The following UCHL1 variants were observed in gnomAD, a reference collection of about 807,000 sequenced individuals.
The protein encoded by UCHL1 is ubiquitin C-terminal hydrolase L1.
In UCHL1, 5 loss-of-function variants were observed where a neutral mutation model predicts 33.3. The observed-to-expected ratio is 0.15, with a 90% CI of 0.08 to 0.32. UCHL1 has a LOEUF of 0.32. UCHL1 is among the 10% of genes least tolerant of loss of function. The pLI is 1.00. For synonymous variants in UCHL1, 132 were observed against 108.8 expected, an observed-to-expected ratio of 1.21 and a Z score of -1.33; for missense variants, 236 against 280.0, an observed-to-expected ratio of 0.84 and a Z score of 1.12.
rs758414333 is a variant in UCHL1 at position 41,261,777 on chromosome 4, G to T, written c.388G>T (p.Ala130Ser). ...ETEKMSPEDRAKCFEKNEAIQ... is the reference protein window; with the variant it reads ...ETEKMSPEDRSKCFEKNEAIQ... The stretch of plus-strand genomic sequence containing the variant: ...AGAGAAAATGTCCCCTGAAGACAGA[G>T]CAAAATGCTTTGAAAAGAATGAGGT... Residue 130 changes from alanine (A) to serine (S), a missense_variant, in exon 5 of 9, where the codon GCA (alanine) becomes TCA (serine). By Grantham distance (99) the Ala-to-Ser change is moderately conservative. Coordinates refer to ENST00000284440, the MANE Select transcript of UCHL1 (RefSeq NM_004181.5). The T allele has an allele frequency of 6.2e-7, 1 of 1,613,976 alleles. No homozygotes were observed. The highest frequency in any genetic ancestry group is 8.5e-7 in the Non-Finnish European group (1 of 1,180,022).
chr4:41,260,894 T>C, intron 4 of UCHL1, 97 bp downstream of exon 4: 1 of 1,544,104 alleles, frequency 6.5e-7, no homozygotes, highest in Admixed American at 1.7e-5. Flanking sequence ...GCTGTACCTT[T>C]TGAAACCATT....
intron 5 of UCHL1, 35 bp downstream of exon 5, chr4:41,261,835 C>T: frequency 6.2e-7 from 1 of 1,614,094 alleles, no homozygotes; most frequent in Non-Finnish European, 8.5e-7. Context: ...CTTTAAATAA[C>T]TCTAGAGATT....
intron 6 of UCHL1, 101 bp from the exon 7 acceptor site, chr4:41,263,124 T>C: frequency 1.1e-6 from 1 of 901,082 alleles, no homozygotes; most frequent in South Asian, 1.4e-5. Flanking sequence ...AGCTATAATT[T>C]CTAAAAATCA....
chr4:41,267,245 T>A (rs1781168465), intron 8 of UCHL1, among the ~76,000 whole-genome samples: 1 of 151,810 alleles, frequency 6.6e-6, no homozygotes, highest in South Asian at 2.1e-4. Flanking sequence ...TTTTTTTTGT[T>A]TGTTTGTTTG....
chr4:41,262,549 C>G (rs907602905), intron 6 of UCHL1, among the ~76,000 whole-genome samples: 3 of 151,980 alleles, frequency 2.0e-5, no homozygotes, highest in Non-Finnish European at 1.5e-5. Context: ...AGGACAAGTT[C>G]TAGAAGGCTT....
chr4:41,262,593 C>T (rs771713457), intron 6 of UCHL1, among the ~76,000 whole-genome samples: 5 of 151,510 alleles, frequency 3.3e-5, no homozygotes, highest in Non-Finnish European at 7.4e-5. Context: ...ACCTCTGAGT[C>T]AGCTGCTAAA....
chr4:41,264,070 A>C lies in UCHL1; in HGVS notation c.527-33A>C, dbSNP rs745558930. The C allele has an allele frequency of 6.2e-6, 10 of 1,614,094 alleles. No homozygotes were observed. The East Asian group carries it at 2.0e-4, about 32-fold the overall frequency. ...AGCACGGTAGCCAGAAAACATGCAG[A>C]GAAAATTGACATGCCTGGCTTCTTT... On this transcript the variant is annotated intron_variant, in intron 7 of 8. Coordinates refer to ENST00000284440, the MANE Select transcript of UCHL1 (RefSeq NM_004181.5).
Position 41,261,764 on chromosome 4 carries a change from C to T in UCHL1, c.375C>T (p.Ser125=), listed in dbSNP as rs1353728607. ...KQFLSETEKM[S]PEDRAKCFEK... ...TTCTTTCTGAAACAGAGAAAATGTCCCCTGAAGACAGAGCAAAATGCTTTG... is the reference window on the plus strand; with the variant it reads ...TTCTTTCTGAAACAGAGAAAATGTCTCCTGAAGACAGAGCAAAATGCTTTG... The change falls in exon 5 of 9, where the codon TCC becomes TCT. Residue 125 remains serine (S), a synonymous_variant. Transcript: ENST00000284440. 6.2e-7 allele frequency: 1 copy of T among 1,613,724 alleles called. No individual in the cohort carries two copies. Among genetic ancestry groups the T allele is most frequent in the Non-Finnish European group, 8.5e-7 (1 of 1,180,024 alleles).
rs1057384150 is a variant in UCHL1, at chr4:41,263,303, T to C, written c.526+12T>C. ...CCTCTATGAACTTGGTATGTTTTACTCCATTTTTGGAACCCAGTGTAGTTT... is the reference window on the plus strand; with the variant it reads ...CCTCTATGAACTTGGTATGTTTTACCCCATTTTTGGAACCCAGTGTAGTTT... On this transcript the variant is annotated intron_variant, in intron 7 of 8. Transcript: ENST00000284440. The C allele has an allele frequency of 1.9e-6, 3 of 1,613,238 alleles. No homozygotes were observed. The African/African-American group carries it at 4.0e-5, about 22-fold the overall frequency.
At chr4:41,257,154 C>G in intron 2 of UCHL1, 28 bp downstream of exon 2, 1 of 1,611,828 alleles carries the variant, frequency 6.2e-7, no homozygotes, top group Non-Finnish European at 8.5e-7. Flanking sequence ...CCGTCTCTGG[C>G]CCCCTCCCCC....
chr4:41,261,900 G>A lies in UCHL1; in HGVS notation c.436G>A (p.Val146Met), dbSNP rs764784241. 4.3e-6 allele frequency: 7 copies of A among 1,614,000 alleles called. No individual in the cohort carries two copies. Among genetic ancestry groups the A allele is most frequent in the African/African-American group, 2.7e-5 (2 of 74,896 alleles). The change falls in exon 6 of 9, where the codon GTG (valine) becomes ATG (methionine). Residue 146 changes from valine (V) to methionine (M), a missense_variant. By Grantham distance (21) the Val-to-Met change is conservative. Transcript: ENST00000284440. ...NEAIQAAHDA[V>M]AQEGQCRVDD... Reference sequence around the variant, plus strand: ...GGCCATACAGGCAGCCCATGATGCCGTGGCACAGGAAGGCCAATGTCGGGT... The same window carrying A: ...GGCCATACAGGCAGCCCATGATGCCATGGCACAGGAAGGCCAATGTCGGGT...
intron 4 of UCHL1, among the ~76,000 whole-genome samples, chr4:41,261,279 C>T (rs537397587): frequency 5.0e-4 from 76 of 152,246 alleles, no homozygotes; most frequent in African/African-American, 1.6e-3. Flanking sequence ...ATGATTATAG[C>T]GTCATGTATA....
At position 41,257,706 on chromosome 4, in the gene UCHL1, CGCT is replaced by C. The variant is rs749368841; in HGVS notation, c.154_156del (p.Leu52del). 5.7e-6 allele frequency: 9 copies of C among 1,580,696 alleles called. No individual in the cohort carries two copies. Among genetic ancestry groups the C allele is most frequent in the Admixed American group, 1.8e-5 (1 of 56,464 alleles). ...GGCTCGGTGCCAGCGCCTGCCTGCG[CGCT>C]GCTGCTGCTGTTTCCCCTCACGGCC... On this transcript the variant is annotated inframe_deletion, in exon 3 of 9. Transcript: ENST00000284440.
chr4:41,267,406 G>A (rs775697648), intron 8 of UCHL1, among the ~76,000 whole-genome samples: 4 of 152,062 alleles, frequency 2.6e-5, no homozygotes, highest in Non-Finnish European at 4.4e-5. Context: ...CATCATGCCC[G>A]GCTAATTTTT....
At chr4:41,258,101 C>T (rs926019433) in intron 3 of UCHL1, among the ~76,000 whole-genome samples, 1 of 152,176 alleles carries the variant, frequency 6.6e-6, no homozygotes, top group Non-Finnish European at 1.5e-5. Context: ...AGGGCTATAA[C>T]CTGTCAACTC....
chr4:41,257,447 T>C (rs1364973479), intron 2 of UCHL1, 162 bp from the exon 3 acceptor site: 3 of 1,047,104 alleles, frequency 2.9e-6, no homozygotes, highest in African/African-American at 1.7e-5. Context: ...CTTTGTGCTG[T>C]GTCATTGCGC....
intron 3 of UCHL1, among the ~76,000 whole-genome samples, chr4:41,259,976 C>T (rs984426499): frequency 6.6e-6 from 1 of 152,204 alleles, no homozygotes. Context: ...TCCTCCTCCT[C>T]AAATTGCCAG....
At chr4:41,263,340 T>C (rs1430510272) in intron 7 of UCHL1, 49 bp downstream of exon 7, 11 of 1,524,578 alleles carry the variant, frequency 7.2e-6, no homozygotes, top group Admixed American at 6.7e-5. Flanking sequence ...ATGTGTTCTT[T>C]CAGACTGAAT....
In UCHL1 at chr4:41,268,046, T is replaced by C; in HGVS notation, c.645T>C (p.Ser215=). ...GTGAGCAAGGAGAAGTCCGCTTCTC[T>C]GCCGTGGCTCTCTGCAAGGCAGCCT... is the stretch of plus-strand genomic sequence containing the variant. ...TEREQGEVRF[S]AVALCKAA Residue 215 remains serine (S), a synonymous_variant, in exon 9 of 9, where the codon TCT becomes TCC. Transcript: ENST00000284440. 1 of 1,613,598 alleles carries C rather than the reference T, an allele frequency of 6.2e-7. No individual in the cohort carries two copies. The highest frequency in any genetic ancestry group is 8.5e-7 in the Non-Finnish European group (1 of 1,179,834).
Sources: gnomAD v4.1 joint callset for allele counts (sites outside exome capture counted in the v4.1 genomes callset) on GRCh38, gnomAD v4.1.1 for gene constraint, MANE v1.5 for transcripts, NCBI Gene and HGNC (gene_info 2026-07-23, HGNC 2026-07-21) for gene names.